Variants in VWA3B observed in about 807,000 individuals in gnomAD.
VWA3B encodes von Willebrand factor A domain containing 3B.
VWA3B carries 138 observed loss-of-function variants against 158.3 expected under a neutral mutation model. The ratio of observed to expected loss-of-function variants is 0.87; its 90% CI spans 0.76 to 1.00. The LOEUF (loss-of-function observed/expected upper bound fraction) is 1.00. Among genes scored for constraint, VWA3B ranks in the 50% least tolerant of loss-of-function variants. The probability of loss-of-function intolerance (pLI) is 0.00; values close to 1 mark genes in which losing one functional copy is unlikely to be tolerated. For missense variants in VWA3B, 1,555 were observed against 1,565.1 expected (o/e 0.99, Z 0.11); for synonymous variants, 596 against 587.3 (o/e 1.01, Z -0.21).
chr2:98,285,027 C>T lies in VWA3B; in HGVS notation c.3046-5484C>T, dbSNP rs374110263. 6.8e-4 allele frequency among the ~76,000 whole-genome samples: 104 copies of T among 152,048 alleles called. 2 individuals carry two copies. The South Asian group carries it at 0.019, about 28-fold the overall frequency. On this transcript the variant is annotated intron_variant, in intron 22 of 27. Coordinates refer to ENST00000477737, the MANE Select transcript of VWA3B (RefSeq NM_144992.5). ...GTAGAGCAAACCAAAAACATTTTTA[C>T]CTTAAAAAAAAGATTTGTAGAAGTA...
At chr2:98,246,480 C>T (rs1217881490) in intron 19 of VWA3B, among the ~76,000 whole-genome samples, 2 of 152,102 alleles carry the variant, frequency 1.3e-5, no homozygotes, top group East Asian at 1.9e-4. Context: ...CGAGTTCAAG[C>T]GATTCTCTTG....
chr2:98,253,829 T>C (rs2105813912), intron 20 of VWA3B, among the ~76,000 whole-genome samples: 1 of 152,110 alleles, frequency 6.6e-6, no homozygotes, highest in South Asian at 2.1e-4. Context: ...GTTAGAAAAA[T>C]CCCTGAATCA....
intron 21 of VWA3B, among the ~76,000 whole-genome samples, chr2:98,265,642 T>G (rs1687767678): frequency 6.8e-6 from 1 of 147,588 alleles, no homozygotes; most frequent in South Asian, 2.2e-4. Context: ...ATGGTTGAAC[T>G]AGTTTACAGT....
rs556372035 is a variant in VWA3B, at chr2:98,184,621, C to T, written c.1312-3354C>T. Among the ~76,000 whole-genome samples, 6 of 152,352 alleles carry T rather than the reference C, an allele frequency of 3.9e-5. No individual in the cohort carries two copies. In the East Asian group the frequency reaches 1.2e-3, roughly 29 times the overall value. ...CTCCACCCTCTCTGACTCCTAAAAT[C>T]CCCCCACCCCGCCCTCTGGGCGCAT... is the stretch of plus-strand genomic sequence containing the variant. On this transcript the variant is annotated intron_variant, in intron 9 of 27. Coordinates refer to ENST00000477737, the MANE Select transcript of VWA3B (RefSeq NM_144992.5).
chr2:98,229,475 G>A (rs1430384153), intron 15 of VWA3B, among the ~76,000 whole-genome samples: 1 of 152,228 alleles, frequency 6.6e-6, no homozygotes, highest in Admixed American at 6.5e-5. Context: ...GCTGTCTTCA[G>A]CGCTTCAGAG....
chr2:98,266,518 T>G (rs1687841730), intron 21 of VWA3B, among the ~76,000 whole-genome samples: 1 of 149,752 alleles, frequency 6.7e-6, no homozygotes, highest in African/African-American at 2.5e-5. Context: ...AGGATTGACT[T>G]GGCGATGCGG....
intron 9 of VWA3B, among the ~76,000 whole-genome samples, chr2:98,183,189 CTTTTT>C (rs1244544813): frequency 1.6e-5 from 2 of 124,616 alleles, no homozygotes; most frequent in African/African-American, 6.2e-5. Flanking sequence ...GTACAGCTCC[CTTTTT>C]TTTTTTTTTT....
rs373221949 is a variant in VWA3B, at chr2:98,188,030, C to T, written c.1367C>T (p.Pro456Leu). 2.5e-4 allele frequency: 400 copies of T among 1,613,900 alleles called. 2 individuals carry two copies. The East Asian group carries it at 4.3e-3, about 17-fold the overall frequency. The change falls in exon 10 of 28, where the codon CCC (proline) becomes CTC (leucine). Residue 456 changes from proline (P) to leucine (L), a missense_variant. Transcript: ENST00000477737. ...TATTGCAGCAGGTTTGTCCATGCTC[C>T]CTGGAAGGATGGGAGCTTGGTCCAC... ...AKYCSRFVHA[P>L]WKDGSLVHVN...
At chr2:98,151,988 A>G (rs908008005) in intron 7 of VWA3B, among the ~76,000 whole-genome samples, 20 of 152,372 alleles carry the variant, frequency 1.3e-4, no homozygotes, top group Admixed American at 1.2e-3. Context: ...GGTAGTAACC[A>G]GTTTATTTGC....
At chr2:98,234,430 T>C (rs74512223) in intron 16 of VWA3B, among the ~76,000 whole-genome samples, 1 of 151,894 alleles carries the variant, frequency 6.6e-6, no homozygotes, top group Non-Finnish European at 1.5e-5. Context: ...CCTGAATGAG[T>C]GTGGAAGCTG....
chr2:98,312,211 C>G lies in VWA3B; in HGVS notation c.3747C>G (p.Leu1249=), dbSNP rs577775845. The G allele has an allele frequency of 6.2e-7, 1 of 1,614,222 alleles. No homozygotes were observed. The highest frequency in any genetic ancestry group is 2.2e-5 in the East Asian group (1 of 44,890). The change falls in exon 28 of 28, where the codon CTC becomes CTG. Residue 1249 remains leucine, a synonymous_variant. Coordinates refer to ENST00000477737, the MANE Select transcript of VWA3B (RefSeq NM_144992.5). ...GTHPEPRTAH[L]HFPAAGRLGL... Reference sequence around the variant, plus strand: ...CTCTGCTTCCCCAGACAGCCCACCTCCACTTCCCCGCGGCCGGGCGTCTAG... The same window carrying G: ...CTCTGCTTCCCCAGACAGCCCACCTGCACTTCCCCGCGGCCGGGCGTCTAG...
rs373529277 is a variant in VWA3B, at chr2:98,119,763, G to C, written c.542G>C (p.Arg181Pro). Residue 181 changes from arginine to proline, a missense_variant and splice_region_variant, in exon 4 of 28, where the codon CGG becomes CCG. Arg to Pro is a moderately radical substitution (Grantham distance 103). Transcript: ENST00000477737. ...VAHITEFNII[R>P]VSQEPVKWQE... ...CACATAACCGAGTTCAATATCATACGGTGAGTTCCCATAGGAAGGGAGTAT... is the reference window on the plus strand; with the variant it reads ...CACATAACCGAGTTCAATATCATACCGTGAGTTCCCATAGGAAGGGAGTAT... The C allele has an allele frequency of 1.2e-6, 2 of 1,612,954 alleles. No homozygotes were observed. Among genetic ancestry groups the C allele is most frequent in the Non-Finnish European group, 8.5e-7 (1 of 1,179,208 alleles).
intron 7 of VWA3B, among the ~76,000 whole-genome samples, chr2:98,156,663 TCA>T: frequency 8.0e-6 from 1 of 124,584 alleles, no homozygotes; most frequent in Non-Finnish European, 1.7e-5. Flanking sequence ...TGAAAAAAAC[TCA>T]GTTTTTTTTT....
chr2:98,134,319 A>G (rs959024389), intron 7 of VWA3B, among the ~76,000 whole-genome samples: 5 of 152,166 alleles, frequency 3.3e-5, no homozygotes, highest in Non-Finnish European at 7.3e-5. Flanking sequence ...CCTCCCTGTG[A>G]TGAAAGCAGG....
chr2:98,113,268 TC>T (rs1674284926), intron 2 of VWA3B, among the ~76,000 whole-genome samples: 1 of 152,128 alleles, frequency 6.6e-6, no homozygotes, highest in Non-Finnish European at 1.5e-5. Context: ...TGTATAGTTT[TC>T]CTTTGGTATA....
chr2:98,192,534 G>A (rs1338618714), intron 10 of VWA3B, among the ~76,000 whole-genome samples: 2 of 152,150 alleles, frequency 1.3e-5, no homozygotes, highest in Non-Finnish European at 2.9e-5. Flanking sequence ...CACTTCTTTT[G>A]TGGTGGAATG....
chr2:98,321,678 C>T, the VWA3B span, among the ~76,000 whole-genome samples: 1 of 152,224 alleles, frequency 6.6e-6, no homozygotes, highest in African/African-American at 2.4e-5. Context: ...TTTGATTATA[C>T]AGGCTCTCAG....
Position 98,228,195 on chromosome 2 carries a change from T to C in VWA3B, c.2020-7T>C. The C allele has an allele frequency of 6.2e-7, 1 of 1,608,342 alleles. No individual in the cohort carries two copies. The highest frequency in any genetic ancestry group is 8.5e-7 in the Non-Finnish European group (1 of 1,178,068). Reference sequence around the variant, plus strand: ...TCTTATAGCATATTCACTTCTCATTTTGGCAGAATGAAGATCTGACTCTTT... The same window carrying C: ...TCTTATAGCATATTCACTTCTCATTCTGGCAGAATGAAGATCTGACTCTTT... On this transcript the variant is annotated splice_polypyrimidine_tract_variant and splice_region_variant and intron_variant, in intron 14 of 27. Transcript: ENST00000477737.
intron 10 of VWA3B, 25 bp downstream of exon 10, chr2:98,188,154 C>T (rs370303419): frequency 4.6e-5 from 73 of 1,600,662 alleles, no homozygotes; most frequent in African/African-American, 2.1e-4. Flanking sequence ...CAGGAAGTTA[C>T]AAGTGGTCTC....
Sources: allele counts gnomAD v4.1 joint callset (sites outside exome capture counted in the v4.1 genomes callset), GRCh38; gene constraint gnomAD v4.1.1; transcripts MANE v1.5; gene names NCBI Gene and HGNC (gene_info 2026-07-23, HGNC 2026-07-21).